SAMD5: variants seen among roughly 807,000 people sequenced by gnomAD.
SAMD5 encodes sterile alpha motif domain-containing protein 5.
SAMD5 carries 13 observed loss-of-function variants against 11.3 expected under a neutral mutation model. The ratio of observed to expected loss-of-function variants is 1.15; its 90% CI spans 0.75 to 1.83. The LOEUF is 1.83. Among genes scored for constraint, SAMD5 ranks in the 40% most tolerant of loss-of-function variants. The probability of loss-of-function intolerance (pLI) is 0.00; values close to 1 mark genes in which losing one functional copy is unlikely to be tolerated. For missense variants in SAMD5, 255 were observed against 239.1 expected (o/e 1.07, Z -0.44); for synonymous variants, 129 against 111.3 (o/e 1.16, Z -1.00).
chr6:147,763,544 C>G, the SAMD5 span, among the ~76,000 whole-genome samples: 62 of 151,806 alleles, frequency 4.1e-4, no homozygotes, highest in East Asian at 9.0e-3. Context: ...CTTTCCTGTT[C>G]CGGACTACAT....
At chr6:147,551,818 A>ATATATATATATATATATGT (rs1788778128) in intron 1 of SAMD5, among the ~76,000 whole-genome samples, 2 of 62,552 alleles carry the variant, frequency 3.2e-5, no homozygotes, top group African/African-American at 1.3e-4. Context: ...TATGTTATAT[A>ATATATATATATATATATGT]TATATATATA....
At chr6:147,635,604 G>T (rs888376946) in intron 1 of SAMD5, among the ~76,000 whole-genome samples, 13 of 152,086 alleles carry the variant, frequency 8.5e-5, no homozygotes, top group African/African-American at 1.7e-4. Flanking sequence ...CACTCCCATT[G>T]TGGGTGCTTT....
In SAMD5 at chr6:147,650,549, G is replaced by A. The variant is rs184562371; in HGVS notation, c.163-86768G>A. 4.1e-4 allele frequency among the ~76,000 whole-genome samples: 62 copies of A among 152,302 alleles called. 1 individual carries two copies. The highest frequency in any genetic ancestry group is 3.5e-3 in the Admixed American group (54 of 15,290). ...AGATTGGGTTTCACCCTAAGGACAC[G>A]GGCATGTTTTAAACAGAGAAGTCAT... On this transcript the variant is annotated intron_variant, in intron 1 of 1. Transcript: ENST00000566741.
At chr6:147,618,052 A>G (rs1271161163) in intron 1 of SAMD5, among the ~76,000 whole-genome samples, 1 of 152,248 alleles carries the variant, frequency 6.6e-6, no homozygotes, top group Non-Finnish European at 1.5e-5. Context: ...AATATACTCC[A>G]ACAGGCTACT....
the SAMD5 span, among the ~76,000 whole-genome samples, chr6:147,897,043 A>T: frequency 6.6e-6 from 1 of 152,174 alleles, no homozygotes; most frequent in Non-Finnish European, 1.5e-5. Context: ...AATGGGAATG[A>T]GGTTTCTTTT....
chr6:147,555,048 C>T (rs1788833188), intron 1 of SAMD5, among the ~76,000 whole-genome samples: 1 of 152,174 alleles, frequency 6.6e-6, no homozygotes, highest in Non-Finnish European at 1.5e-5. Context: ...GGATTCTTCA[C>T]CCATATGCAC....
rs1228637375 is a variant in SAMD5, at chr6:147,569,430, A to G, written c.*4974A>G. On this transcript the variant is annotated 3_prime_UTR_variant, in exon 2 of 2. Coordinates refer to ENST00000367474, the MANE Select transcript of SAMD5 (RefSeq NM_001030060.3). ...GTATTTTTTTCTTAACAATTTTGCC[A>G]AAATTTCTTCTACTGGACCAAAAGG... 1 of 959,474 alleles carries G rather than the reference A, an allele frequency of 1.0e-6. No homozygotes were observed. The highest frequency in any genetic ancestry group is 1.2e-6 in the Non-Finnish European group (1 of 806,466). The allele number at this position is 959,474 out of a possible 1,614,324, so 59.4% of individuals were successfully genotyped here.
the SAMD5 span, among the ~76,000 whole-genome samples, chr6:147,828,371 T>C: frequency 6.6e-6 from 1 of 152,198 alleles, no homozygotes; most frequent in African/African-American, 2.4e-5. Context: ...CTTGATTGGA[T>C]TGAAGGATGC....
chr6:147,830,858 A>AAG, the SAMD5 span, among the ~76,000 whole-genome samples: 2 of 152,256 alleles, frequency 1.3e-5, no homozygotes, highest in African/African-American at 4.8e-5. Flanking sequence ...GAATAGTAAC[A>AAG]AGAAACATGT....
chr6:147,684,216 G>T (rs2128456516), intron 1 of SAMD5, among the ~76,000 whole-genome samples: 1 of 152,116 alleles, frequency 6.6e-6, no homozygotes, highest in East Asian at 1.9e-4. Context: ...ATTTTGTGTT[G>T]GGCTTCCTCA....
At chr6:147,892,844 T>TAA in the SAMD5 span, among the ~76,000 whole-genome samples, 60 of 152,096 alleles carry the variant, frequency 3.9e-4, 3 homozygotes, top group South Asian at 0.012. Context: ...TCTCTTCATT[T>TAA]AAAAAAAATA....
the SAMD5 span, among the ~76,000 whole-genome samples, chr6:147,782,756 T>G: frequency 5.9e-5 from 9 of 152,238 alleles, no homozygotes; most frequent in African/African-American, 1.9e-4. Flanking sequence ...TTATACCATT[T>G]TATGAAGAAG....
At chr6:147,702,138 G>A (rs1303862461) in intron 1 of SAMD5, among the ~76,000 whole-genome samples, 1 of 152,170 alleles carries the variant, frequency 6.6e-6, no homozygotes, top group Non-Finnish European at 1.5e-5. Context: ...CATCTTACAT[G>A]GTGGCAGGCA....
chr6:147,509,191 A>T lies in SAMD5; in HGVS notation c.263A>T (p.Asp88Val). The T allele has an allele frequency of 1.6e-6, 2 of 1,289,418 alleles. No homozygotes were observed. Among genetic ancestry groups the T allele is most frequent in the Non-Finnish European group, 2.0e-6 (2 of 1,021,086 alleles). 79.9% of individuals were successfully genotyped at this position (1,289,418 alleles called of 1,614,324 possible). Residue 88 changes from aspartate (D) to valine (V), a missense_variant, in exon 1 of 2, where the codon GAC becomes GTC. Coordinates refer to ENST00000367474, the MANE Select transcript of SAMD5 (RefSeq NM_001030060.3). ...PQPAPPGPPADAVPTGRRGEP... is the reference protein window; with the variant it reads ...PQPAPPGPPAVAVPTGRRGEP... The stretch of plus-strand genomic sequence containing the variant: ...CCGGCGCCCCCCGGGCCGCCCGCCG[A>T]CGCCGTCCCCACCGGCCGCCGGGGG...
At chr6:147,830,998 C>G in the SAMD5 span, among the ~76,000 whole-genome samples, 1 of 152,196 alleles carries the variant, frequency 6.6e-6, no homozygotes, top group Non-Finnish European at 1.5e-5. Context: ...ACGTACATCT[C>G]ACAAACATAA....
intron 1 of SAMD5, among the ~76,000 whole-genome samples, chr6:147,719,876 A>C (rs997870676): frequency 2.0e-5 from 3 of 152,214 alleles, no homozygotes; most frequent in African/African-American, 7.2e-5. Context: ...AATGTTTTCT[A>C]CAGAAAGTTT....
the SAMD5 span, among the ~76,000 whole-genome samples, chr6:147,775,950 A>G: frequency 6.6e-6 from 1 of 152,226 alleles, no homozygotes; most frequent in African/African-American, 2.4e-5. Context: ...AGACATTTAT[A>G]TCAGTACTGT....
chr6:147,609,714 G>T (rs1308320683), intron 1 of SAMD5, among the ~76,000 whole-genome samples: 1 of 151,854 alleles, frequency 6.6e-6, no homozygotes, highest in Non-Finnish European at 1.5e-5. Context: ...CCGCCACCAC[G>T]CCTGGCTAAT....
the SAMD5 span, among the ~76,000 whole-genome samples, chr6:147,826,646 A>G: frequency 2.6e-5 from 4 of 152,168 alleles, no homozygotes; most frequent in African/African-American, 9.7e-5. Context: ...TTTCAGCATT[A>G]AAAAGTTGAC....
Sources: gnomAD v4.1 joint callset for allele counts (sites outside exome capture counted in the v4.1 genomes callset) on GRCh38, gnomAD v4.1.1 for gene constraint, MANE v1.5 for transcripts, NCBI Gene and HGNC (gene_info 2026-07-23, HGNC 2026-07-21) for gene names.